The following LRFN5 variants were observed in gnomAD, a reference collection of about 807,000 sequenced individuals.
LRFN5 encodes the protein leucine-rich repeat and fibronectin type-III domain-containing protein 5.
LRFN5 carries 24 observed loss-of-function variants against 45.6 expected under a neutral mutation model. The observed-to-expected ratio is 0.53, with a 90% CI of 0.38 to 0.74. The LOEUF is 0.74. LRFN5 is among the 30% of genes least tolerant of loss of function. The pLI, the probability that LRFN5 is intolerant of heterozygous loss-of-function variation, is 0.00. For synonymous variants in LRFN5, 340 were observed against 313.8 expected (o/e 1.08, Z -0.88); for missense variants, 776 against 861.5 (o/e 0.90, Z 1.24).
chr14:41,644,675 G>C (rs1042242531), intron 1 of LRFN5, among the ~76,000 whole-genome samples: 2 of 152,102 alleles, frequency 1.3e-5, no homozygotes, highest in African/African-American at 4.8e-5. Flanking sequence ...CTTATCCTAA[G>C]AAAATGTATA....
In LRFN5 at chr14:41,734,885, T is replaced by G. The variant is rs528884694; in HGVS notation, c.-196-31969T>G. On this transcript the variant is annotated intron_variant, in intron 1 of 5. Coordinates refer to ENST00000298119, the MANE Select transcript of LRFN5 (RefSeq NM_152447.5). Reference sequence around the variant, plus strand: ...AATATATTGACAGATTATTTTAAGCTAATAATAACTTAACTTTGATCACTT... The same window carrying G: ...AATATATTGACAGATTATTTTAAGCGAATAATAACTTAACTTTGATCACTT... Among the ~76,000 whole-genome samples, 3 of 152,240 alleles carry G rather than the reference T, an allele frequency of 2.0e-5. No individual in the cohort carries two copies. In the East Asian group the frequency reaches 5.8e-4, roughly 29 times the overall value.
At chr14:41,777,046 A>G (rs372477994) in intron 2 of LRFN5, among the ~76,000 whole-genome samples, 9 of 151,906 alleles carry the variant, frequency 5.9e-5, no homozygotes, top group East Asian at 5.8e-4. Context: ...TATTTATTTT[A>G]TTGTTATATT....
intron 1 of LRFN5, among the ~76,000 whole-genome samples, chr14:41,718,665 T>C (rs559255577): frequency 6.6e-6 from 1 of 152,322 alleles, no homozygotes; most frequent in African/African-American, 2.4e-5. Context: ...ATCTCACGTC[T>C]TCCTGACTGC....
chr14:41,728,398 A>G (rs1021190262), intron 1 of LRFN5, among the ~76,000 whole-genome samples: 9 of 152,172 alleles, frequency 5.9e-5, no homozygotes, highest in Non-Finnish European at 1.2e-4. Flanking sequence ...GATCATCTTA[A>G]TGAGTCCAAA....
In LRFN5 at chr14:41,758,324, C is replaced by T. The variant is rs564155989; in HGVS notation, c.-196-8530C>T. On this transcript the variant is annotated intron_variant, in intron 1 of 5. Coordinates refer to ENST00000298119, the MANE Select transcript of LRFN5 (RefSeq NM_152447.5). ...TATTAATGAATGCTGAGATTGCAGT[C>T]CTGAAACTATTGACCATTAAGGATC... Among the ~76,000 whole-genome samples, 159 of 152,290 alleles carry T rather than the reference C, an allele frequency of 1.0e-3. 2 individuals are homozygous for T. Among genetic ancestry groups the T allele is most frequent in the Non-Finnish European group, 2.0e-3 (139 of 68,022 alleles).
At chr14:41,828,760 A>G (rs1310095122) in intron 2 of LRFN5, among the ~76,000 whole-genome samples, 1 of 151,992 alleles carries the variant, frequency 6.6e-6, no homozygotes, top group Non-Finnish European at 1.5e-5. Flanking sequence ...TCTCACTTTG[A>G]GTAATAATGT....
intron 2 of LRFN5, among the ~76,000 whole-genome samples, chr14:41,838,174 A>G (rs1378313994): frequency 6.6e-6 from 1 of 152,132 alleles, no homozygotes; most frequent in African/African-American, 2.4e-5. Flanking sequence ...ATTTTGTATT[A>G]TTTATTACTA....
At chr14:41,735,597 G>GT (rs1450070759) in intron 1 of LRFN5, among the ~76,000 whole-genome samples, 1 of 151,990 alleles carries the variant, frequency 6.6e-6, no homozygotes. Context: ...TATTTTATTA[G>GT]TTTTACTAAT....
intron 1 of LRFN5, among the ~76,000 whole-genome samples, chr14:41,627,209 A>C (rs902809068): frequency 2.0e-5 from 3 of 152,082 alleles, no homozygotes; most frequent in Non-Finnish European, 4.4e-5. Flanking sequence ...TTTTATTATA[A>C]TTACAAGGCT....
At chr14:41,674,891 C>G (rs1421527676) in intron 1 of LRFN5, among the ~76,000 whole-genome samples, 4 of 151,418 alleles carry the variant, frequency 2.6e-5, no homozygotes, top group Non-Finnish European at 4.4e-5. Flanking sequence ...TCAGACGGAA[C>G]GGCCGGGCAG....
intron 2 of LRFN5, among the ~76,000 whole-genome samples, chr14:41,793,012 G>A: frequency 6.9e-6 from 1 of 144,962 alleles, no homozygotes; most frequent in South Asian, 2.4e-4. Flanking sequence ...GTTGGGGGAG[G>A]GGGGAGGGAT....
intron 1 of LRFN5, chr14:41,700,712 G>A (rs923527410): frequency 6.6e-6 from 1 of 152,046 alleles, no homozygotes; most frequent in Admixed American, 6.6e-5. Flanking sequence ...AAATCATAGA[G>A]TAATAGGTTT....
intron 1 of LRFN5, among the ~76,000 whole-genome samples, chr14:41,748,917 AATTT>A (rs1594671707): frequency 6.6e-6 from 1 of 151,350 alleles, no homozygotes; most frequent in Non-Finnish European, 1.5e-5. Context: ...TATATATATA[AATTT>A]ATTTATCTTG....
At chr14:41,840,247 C>T (rs1157262021) in intron 2 of LRFN5, among the ~76,000 whole-genome samples, 2 of 151,982 alleles carry the variant, frequency 1.3e-5, no homozygotes, top group African/African-American at 4.8e-5. Context: ...GTTTTTTTCT[C>T]ACCAATGTAA....
At chr14:41,626,192 C>T (rs1008092967) in intron 1 of LRFN5, among the ~76,000 whole-genome samples, 11 of 151,744 alleles carry the variant, frequency 7.2e-5, no homozygotes, top group South Asian at 4.2e-4. Flanking sequence ...CATGTTTTAA[C>T]GGATTATTAT....
chr14:41,670,960 C>T (rs1050529854), intron 1 of LRFN5, among the ~76,000 whole-genome samples: 8 of 151,978 alleles, frequency 5.3e-5, no homozygotes, highest in African/African-American at 1.7e-4. Flanking sequence ...TTGAGGACAA[C>T]AATGTTAGCA....
intron 2 of LRFN5, among the ~76,000 whole-genome samples, chr14:41,841,443 T>C (rs906834752): frequency 1.1e-4 from 17 of 152,130 alleles, no homozygotes; most frequent in African/African-American, 3.6e-4. Context: ...TGTGTATGTG[T>C]TACATAAATG....
intron 1 of LRFN5, among the ~76,000 whole-genome samples, chr14:41,723,932 A>T (rs1011034573): frequency 6.6e-6 from 1 of 152,122 alleles, no homozygotes; most frequent in African/African-American, 2.4e-5. Flanking sequence ...GTCTGGGTTA[A>T]ACACCTGACA....
At chr14:41,781,265 T>TAA (rs1198342764) in intron 2 of LRFN5, among the ~76,000 whole-genome samples, 2 of 152,054 alleles carry the variant, frequency 1.3e-5, no homozygotes, top group African/African-American at 4.8e-5. Flanking sequence ...TTCATGCATG[T>TAA]AAGCCCAGGA....
Sources: gnomAD v4.1 joint callset for allele counts (sites outside exome capture counted in the v4.1 genomes callset) on GRCh38, gnomAD v4.1.1 for gene constraint, MANE v1.5 for transcripts, NCBI Gene and HGNC (gene_info 2026-07-23, HGNC 2026-07-21) for gene names.